The following POLA1 variants were observed in gnomAD, a reference collection of about 807,000 sequenced individuals.
The protein encoded by POLA1 is DNA polymerase alpha 1, catalytic subunit, also known as DNA polymerase alpha catalytic subunit.
POLA1 carries 15 observed loss-of-function variants against 124.0 expected under a neutral mutation model. The observed-to-expected ratio is 0.12, with a 90% confidence interval of 0.08 to 0.19. The LOEUF is 0.19. POLA1 is among the 10% of genes least tolerant of loss of function. POLA1 has a pLI of 1.00. For missense variants in POLA1, 886 were observed against 1,103.4 expected, an observed-to-expected ratio of 0.80 and a Z score of 2.79; for synonymous variants, 408 against 389.4, an observed-to-expected ratio of 1.05 and a Z score of -0.56.
At chrX:24,711,561 C>A (rs928126427) in intron 4 of POLA1, among the ~76,000 whole-genome samples, 2 of 111,855 alleles carry the variant, frequency 1.8e-5, no homozygotes, top group African/African-American at 6.5e-5. Flanking sequence ...AGAGAAAATT[C>A]CCAGAAGTGG....
At chrX:24,966,571 G>A (rs759658525) in intron 36 of POLA1, among the ~76,000 whole-genome samples, 313 of 112,220 alleles carry the variant, frequency 2.8e-3, no homozygotes, top group Non-Finnish European at 4.3e-3. Context: ...GTTTTAAAAG[G>A]ATAACAATAT....
intron 26 of POLA1, among the ~76,000 whole-genome samples, chrX:24,761,923 A>G (rs958161609): frequency 1.8e-5 from 2 of 111,947 alleles, no homozygotes; most frequent in Non-Finnish European, 3.8e-5. Context: ...TAAACTTGTG[A>G]TTACTTACTA....
intron 36 of POLA1, among the ~76,000 whole-genome samples, chrX:24,933,832 T>C (rs1221658494): frequency 8.9e-6 from 1 of 112,746 alleles, no homozygotes; most frequent in East Asian, 2.8e-4. Context: ...AGACCATTAG[T>C]CCATAATGTG....
intron 35 of POLA1, among the ~76,000 whole-genome samples, chrX:24,914,146 C>T (rs1184499818): frequency 9.0e-6 from 1 of 110,932 alleles, no homozygotes; most frequent in South Asian, 3.9e-4. Flanking sequence ...CGCTTGAGAC[C>T]AGCCTGGGCA....
chrX:24,790,988 A>G (rs1190865965), intron 26 of POLA1, among the ~76,000 whole-genome samples: 2 of 105,903 alleles, frequency 1.9e-5, no homozygotes, highest in East Asian at 5.9e-4. Flanking sequence ...CTGCTCAAGA[A>G]CTTTCAGAGG....
At chrX:24,752,563 G>C (rs750961701) in intron 26 of POLA1, among the ~76,000 whole-genome samples, 91 of 112,084 alleles carry the variant, frequency 8.1e-4, no homozygotes, top group African/African-American at 2.8e-3. Context: ...AGGGGTATCA[G>C]TTGTCAAATG....
At chrX:24,971,442 G>A (rs1202569674) in intron 36 of POLA1, among the ~76,000 whole-genome samples, 1 of 112,408 alleles carries the variant, frequency 8.9e-6, no homozygotes, top group African/African-American at 3.2e-5. Flanking sequence ...CCCCTACCAG[G>A]GTATATTCAG....
At chrX:24,775,028 A>T (rs186351753) in intron 26 of POLA1, among the ~76,000 whole-genome samples, 1 of 111,931 alleles carries the variant, frequency 8.9e-6, no homozygotes, top group African/African-American at 3.2e-5. Context: ...TTTAAATGTG[A>T]TGTTACGTAC....
At chrX:24,895,438 A>G (rs1569353571) in intron 35 of POLA1, among the ~76,000 whole-genome samples, 2 of 112,499 alleles carry the variant, frequency 1.8e-5, no homozygotes, top group Non-Finnish European at 3.8e-5. Flanking sequence ...AAAAGGCTGA[A>G]GGATCCAAAG....
At chrX:24,803,588 A>T (rs2045751880) in intron 26 of POLA1, among the ~76,000 whole-genome samples, 1 of 111,171 alleles carries the variant, frequency 9.0e-6, no homozygotes, top group South Asian at 3.8e-4. Context: ...GTGAGAACTT[A>T]CGTGTTTCTA....
In POLA1 at chrX:24,996,920, G is replaced by T. The variant is rs1426357840; in HGVS notation, c.*970G>T. 1.8e-5 allele frequency: 2 copies of T among 111,934 alleles called. No individual in the cohort carries two copies. The highest frequency in any genetic ancestry group is 3.8e-5 in the Non-Finnish European group (2 of 53,265). The allele number at this position is 111,934 out of a possible 1,213,427, so 9.2% of individuals were successfully genotyped here. ...CTGTGTTTTTAAAAAACATTGACCT[G>T]TGTGTTTTTATAAAAGAAAAAGTAT... On this transcript the variant is annotated 3_prime_UTR_variant, in exon 37 of 37. Coordinates refer to ENST00000379068, the MANE Select transcript of POLA1 (RefSeq NM_001330360.2).
At chrX:24,734,265 G>T (rs1367536055) in intron 17 of POLA1, 1 of 112,186 alleles carries the variant, frequency 8.9e-6, no homozygotes, top group Admixed American at 9.5e-5. Context: ...AAATTCCAGC[G>T]TGCTCCATGA....
chrX:24,937,012 T>G (rs1336932394), intron 36 of POLA1, among the ~76,000 whole-genome samples: 1 of 112,375 alleles, frequency 8.9e-6, no homozygotes, highest in Non-Finnish European at 1.9e-5. Context: ...GATGGGTAAC[T>G]GTAAACTGCA....
At chrX:24,768,735 G>T (rs191954198) in intron 26 of POLA1, among the ~76,000 whole-genome samples, 7 of 111,808 alleles carry the variant, frequency 6.3e-5, no homozygotes, top group Non-Finnish European at 1.1e-4. Flanking sequence ...GTGTGGTGAC[G>T]CAAGTTTGTG....
intron 36 of POLA1, among the ~76,000 whole-genome samples, chrX:24,968,426 G>A (rs182368069): frequency 4.5e-5 from 5 of 111,882 alleles, no homozygotes; most frequent in East Asian, 2.8e-4. Flanking sequence ...CAGGCCGGGC[G>A]CAGTGGCTCA....
At chrX:24,699,359 T>C in intron 1 of POLA1, 66 bp from the exon 2 acceptor site, 1 of 943,740 alleles carries the variant, frequency 1.1e-6, no homozygotes, top group Non-Finnish European at 1.4e-6. Context: ...AACTTTTCCT[T>C]TGTGTTTGAG....
intron 34 of POLA1, among the ~76,000 whole-genome samples, chrX:24,865,171 C>G (rs2046777211): frequency 8.9e-6 from 1 of 111,931 alleles, no homozygotes; most frequent in Non-Finnish European, 1.9e-5. Flanking sequence ...CCTAATCTGC[C>G]AATTTACTAG....
intron 26 of POLA1, among the ~76,000 whole-genome samples, chrX:24,792,582 A>G (rs3967864): frequency 0.23 from 26,062 of 111,089 alleles, 2,240 homozygotes; most frequent in South Asian, 0.36. Flanking sequence ...GAAAATACCA[A>G]AGTAACCAAG....
intron 26 of POLA1, among the ~76,000 whole-genome samples, chrX:24,790,229 T>G (rs2045465146): frequency 8.9e-6 from 1 of 111,982 alleles, no homozygotes; most frequent in African/African-American, 3.2e-5. Flanking sequence ...TCTGAGAACT[T>G]TAGACGTCAT....
Sources: allele counts gnomAD v4.1 joint callset (sites outside exome capture counted in the v4.1 genomes callset), GRCh38; gene constraint gnomAD v4.1.1; transcripts MANE v1.5; gene names NCBI Gene and HGNC (gene_info 2026-07-23, HGNC 2026-07-21).